The following CD109 variants were observed in gnomAD, a reference collection of about 807,000 sequenced individuals.
CD109 encodes the protein CD109 antigen.
A neutral mutation model predicts 165.8 loss-of-function variants in CD109; 149 were observed. That is an observed-to-expected ratio of 0.90 (90% CI 0.79 to 1.03). The LOEUF is 1.03. Among genes scored for constraint, CD109 ranks in the 50% least tolerant of loss-of-function variants. The pLI, the probability that CD109 is intolerant of heterozygous loss-of-function variation, is 0.00. For synonymous variants in CD109, 585 were observed against 592.1 expected (o/e 0.99, Z 0.18); for missense variants, 1,712 against 1,677.8 (o/e 1.02, Z -0.36).
In CD109 at chr6:73,747,196, G is replaced by A. The variant is rs146470502; in HGVS notation, c.634-9447G>A. Among the ~76,000 whole-genome samples, 209 of 152,162 alleles carry A rather than the reference G, an allele frequency of 1.4e-3. 1 individual carries two copies. In the East Asian group the frequency reaches 0.027, roughly 19 times the overall value. ...CTCTTTCTTCTCAGTCTTCAAACTGGATCTCTTTCTGTCTTAGATCTTTTT... is the reference window on the plus strand; with the variant it reads ...CTCTTTCTTCTCAGTCTTCAAACTGAATCTCTTTCTGTCTTAGATCTTTTT... On this transcript the variant is annotated intron_variant, in intron 5 of 32. Coordinates refer to ENST00000287097, the MANE Select transcript of CD109 (RefSeq NM_133493.5).
the CD109 span, among the ~76,000 whole-genome samples, chr6:73,690,514 G>C: frequency 1.2e-4 from 18 of 152,264 alleles, no homozygotes; most frequent in South Asian, 3.7e-3. Context: ...AGATTCTCCT[G>C]CCTCAGCCTC....
chr6:73,768,517 A>G (rs184298694), intron 14 of CD109, among the ~76,000 whole-genome samples: 182 of 152,324 alleles, frequency 1.2e-3, no homozygotes, highest in Non-Finnish European at 2.1e-3. Flanking sequence ...TTGAATTAAT[A>G]TTGCTCAGGA....
intron 5 of CD109, among the ~76,000 whole-genome samples, chr6:73,746,124 A>G (rs1470946195): frequency 6.6e-6 from 1 of 152,258 alleles, no homozygotes; most frequent in Non-Finnish European, 1.5e-5. Flanking sequence ...ATCTTAACGC[A>G]GTGCACCCAG....
chr6:73,697,298 C>A (rs1315068505), intron 1 of CD109, 102 bp from the exon 2 acceptor site: 4 of 979,872 alleles, frequency 4.1e-6, no homozygotes, highest in Non-Finnish European at 6.2e-6. Flanking sequence ...CTGCAATTGG[C>A]GCAGTATGGA....
intron 18 of CD109, 87 bp from the exon 19 acceptor site, chr6:73,783,620 C>A: frequency 1.3e-6 from 1 of 790,026 alleles, no homozygotes; most frequent in South Asian, 1.5e-5. Flanking sequence ...TGAAATTCTT[C>A]CAAAAATAGT....
intron 14 of CD109, among the ~76,000 whole-genome samples, chr6:73,769,337 G>A (rs1773959121): frequency 6.6e-6 from 1 of 152,200 alleles, no homozygotes; most frequent in Non-Finnish European, 1.5e-5. Context: ...GACTTCTAGT[G>A]ATCCTAGTAA....
chr6:73,725,461 C>T (rs1215632439), intron 3 of CD109, among the ~76,000 whole-genome samples: 7 of 147,708 alleles, frequency 4.7e-5, no homozygotes, highest in Non-Finnish European at 5.9e-5. Flanking sequence ...ATAAACTGTA[C>T]GTGTCTGAGC....
At chr6:73,763,886 TA>T (rs1773736560) in intron 10 of CD109, among the ~76,000 whole-genome samples, 1 of 152,342 alleles carries the variant, frequency 6.6e-6, no homozygotes, top group South Asian at 2.1e-4. Flanking sequence ...TCAACAACAG[TA>T]AAAATATTTT....
At position 73,696,219 on chromosome 6, in the gene CD109, C is replaced by G; in HGVS notation, c.4C>G (p.Gln2Glu). M[Q>E]GPPLLTAAHL... ...AGCCCAGGCAGACGCCGTCGAGATGCAGGGCCCACCGCTCCTGACCGCCGC... is the reference window on the plus strand; with the variant it reads ...AGCCCAGGCAGACGCCGTCGAGATGGAGGGCCCACCGCTCCTGACCGCCGC... The change falls in exon 1 of 33, where the codon CAG becomes GAG. Residue 2 changes from glutamine to glutamate, a missense_variant. By Grantham distance (29) the Gln-to-Glu change is conservative. Coordinates refer to ENST00000287097, the MANE Select transcript of CD109 (RefSeq NM_133493.5). The G allele has an allele frequency of 1.3e-6, 2 of 1,545,842 alleles. No individual in the cohort carries two copies. The highest frequency in any genetic ancestry group is 1.7e-6 in the Non-Finnish European group (2 of 1,149,778).
chr6:73,726,795 T>C (rs1772155776), intron 3 of CD109, among the ~76,000 whole-genome samples: 1 of 152,212 alleles, frequency 6.6e-6, no homozygotes, highest in Non-Finnish European at 1.5e-5. Flanking sequence ...GGCTGATTGA[T>C]ATTCTGTTGG....
chr6:73,689,281 G>C, the CD109 span, among the ~76,000 whole-genome samples: 214 of 152,300 alleles, frequency 1.4e-3, no homozygotes, highest in Non-Finnish European at 1.9e-3. Flanking sequence ...TGGATCAGAA[G>C]CACAGGTCAC....
intron 7 of CD109, among the ~76,000 whole-genome samples, chr6:73,761,719 C>T (rs1296635606): frequency 6.6e-6 from 1 of 151,968 alleles, no homozygotes; most frequent in Non-Finnish European, 1.5e-5. Flanking sequence ...GATGGGGTTT[C>T]ACCATCTTGG....
chr6:73,774,405 C>G (rs1200868575), intron 15 of CD109, among the ~76,000 whole-genome samples: 1 of 152,104 alleles, frequency 6.6e-6, no homozygotes, highest in South Asian at 2.1e-4. Context: ...TGCCTCTATT[C>G]AGTGTTTCAC....
chr6:73,716,036 T>C (rs1260396304), intron 2 of CD109, among the ~76,000 whole-genome samples: 1 of 152,236 alleles, frequency 6.6e-6, no homozygotes, highest in African/African-American at 2.4e-5. Flanking sequence ...AAAGTTTGTC[T>C]TTCTGTGTTT....
rs59423704 is a variant in CD109 at position 73,705,623 on chromosome 6, A to AAAAAGAAAAGAAAAG, written c.247+8069_247+8083dup. 4.8e-4 allele frequency among the ~76,000 whole-genome samples: 71 copies of AAAAAGAAAAGAAAAG among 148,904 alleles called. 1 individual carries two copies. The highest frequency in any genetic ancestry group is 2.4e-3 in the Admixed American group (35 of 14,884). On this transcript the variant is annotated intron_variant, in intron 2 of 32. Coordinates refer to ENST00000287097, the MANE Select transcript of CD109 (RefSeq NM_133493.5). ...TAACAAAGCATGGCCCTGTCTCAAG[A>AAAAAGAAAAGAAAAG]AAAAGAAAAGAAAAGAAAAGAAAAG... is the stretch of plus-strand genomic sequence containing the variant.
upstream of CD109, chr6:73,695,992 T>G (rs565833617): frequency 2.1e-5 from 11 of 527,972 alleles, 1 homozygote; most frequent in South Asian, 2.4e-4. Context: ...TTGCGATGTT[T>G]GCCACAGCAG....
intron 20 of CD109, 50 bp downstream of exon 20, chr6:73,785,527 A>G: frequency 9.3e-7 from 1 of 1,073,162 alleles, no homozygotes; most frequent in Non-Finnish European, 1.4e-6. Flanking sequence ...GAGAAAATCG[A>G]GGTAGCATGA....
At chr6:73,743,706 C>T (rs544697563) in intron 5 of CD109, among the ~76,000 whole-genome samples, 35 of 152,244 alleles carry the variant, frequency 2.3e-4, no homozygotes, top group Non-Finnish European at 4.0e-4. Flanking sequence ...CTGCTTAACC[C>T]GCCTGGCTTG....
At chr6:73,719,825 A>G (rs547676118) in intron 2 of CD109, among the ~76,000 whole-genome samples, 6 of 152,190 alleles carry the variant, frequency 3.9e-5, no homozygotes, top group Non-Finnish European at 8.8e-5. Context: ...AATTGTCTCT[A>G]TTTATGGTTC....
Sources: allele counts gnomAD v4.1 joint callset (sites outside exome capture counted in the v4.1 genomes callset), GRCh38; gene constraint gnomAD v4.1.1; transcripts MANE v1.5; gene names NCBI Gene and HGNC (gene_info 2026-07-23, HGNC 2026-07-21).